The following MAT1A variants were observed in gnomAD, a reference collection of about 807,000 sequenced individuals.
MAT1A encodes the protein methionine adenosyltransferase 1A, also known as S-adenosylmethionine synthase isoform type-1.
A neutral mutation model predicts 44.0 loss-of-function variants in MAT1A; 19 were observed. The ratio of observed to expected loss-of-function variants is 0.43; its 90% CI spans 0.30 to 0.63. The LOEUF is 0.63. MAT1A is among the 30% of genes least tolerant of loss of function. The pLI, the probability that MAT1A is intolerant of heterozygous loss-of-function variation, is 0.12. For missense variants in MAT1A, 397 were observed against 531.0 expected, an observed-to-expected ratio of 0.75 and a Z score of 2.48; for synonymous variants, 205 against 205.6, an observed-to-expected ratio of 1.00 and a Z score of 0.03.
intron 1 of MAT1A, among the ~76,000 whole-genome samples, chr10:80,287,122 T>C (rs188471015): frequency 2.6e-4 from 40 of 152,352 alleles, no homozygotes; most frequent in African/African-American, 9.6e-4. Context: ...AGAAGCTTGC[T>C]GACTGATCAT....
intron 3 of MAT1A, among the ~76,000 whole-genome samples, chr10:80,283,036 A>G (rs1160340410): frequency 1.3e-5 from 2 of 152,168 alleles, no homozygotes; most frequent in African/African-American, 4.8e-5. Context: ...GGAAAGAGCT[A>G]ACAGAGACCC....
intron 3 of MAT1A, among the ~76,000 whole-genome samples, chr10:80,282,283 G>A (rs993603421): frequency 1.3e-5 from 2 of 152,178 alleles, no homozygotes; most frequent in African/African-American, 4.8e-5. Context: ...AAAGGACAAT[G>A]AGCCCAGCAA....
At position 80,280,718 on chromosome 10, in the gene MAT1A, G is replaced by C; in HGVS notation, c.367C>G (p.Leu123Val). The C allele has an allele frequency of 6.2e-7, 1 of 1,614,190 alleles. No individual in the cohort carries two copies. The highest frequency in any genetic ancestry group is 8.5e-7 in the Non-Finnish European group (1 of 1,180,030). The change falls in exon 4 of 9, where the codon CTG becomes GTG. Residue 123 changes from leucine to valine, a missense_variant. Transcript: ENST00000372213. ...CCCACATCCTCCTCATTTCTGTCCA[G>C]ATGGACGCACTGGGCAATATCTGGG... The part of the protein sequence containing the change: ...QSPDIAQCVH[L>V]DRNEEDVGAG...
chr10:80,281,215 A>C (rs571702535), intron 3 of MAT1A, among the ~76,000 whole-genome samples: 110 of 152,086 alleles, frequency 7.2e-4, no homozygotes, highest in South Asian at 2.7e-3. Context: ...GAAAATCAAG[A>C]GCCCTTTTGA....
intron 6 of MAT1A, among the ~76,000 whole-genome samples, chr10:80,276,002 A>C (rs971168194): frequency 6.6e-6 from 1 of 152,164 alleles, no homozygotes; most frequent in Non-Finnish European, 1.5e-5. Flanking sequence ...AGATCTGGAA[A>C]CAGCCACCCG....
Position 80,289,495 on chromosome 10 carries a change from T to TTTTTC in MAT1A, c.-73_-72insGAAAA, listed in dbSNP as rs145126070. On this transcript the variant is annotated 5_prime_UTR_variant, in exon 1 of 9. Transcript: ENST00000372213. ...GGCTGTGACTTTGCCTGAGTTTTTT[T>TTTTTC]TTCTTCTTCTTCTTCTTCTTTCAAC... The TTTTTC allele has an allele frequency of 4.1e-5, 35 of 863,476 alleles. No homozygotes were observed. Among genetic ancestry groups the TTTTTC allele is most frequent in the Non-Finnish European group, 5.4e-5 (28 of 521,478 alleles). The allele number at this position is 863,476 out of a possible 1,614,324, so 53.5% of individuals were successfully genotyped here. A position where few individuals can be genotyped will look rare whatever the true frequency, so the allele number is the denominator to read the frequency against.
intron 6 of MAT1A, chr10:80,275,508 C>A (rs1841474890): frequency 2.2e-6 from 1 of 449,824 alleles, no homozygotes; most frequent in Non-Finnish European, 4.1e-6. Flanking sequence ...TGGAGAGATC[C>A]AACTGCAGGC....
chr10:80,284,219 C>A (rs1841611073), intron 2 of MAT1A, among the ~76,000 whole-genome samples, 181 bp from the exon 3 acceptor site: 1 of 152,220 alleles, frequency 6.6e-6, no homozygotes, highest in African/African-American at 2.4e-5. Flanking sequence ...AAGCACTGAG[C>A]ATCTTCCAAT....
chr10:80,273,718 G>A lies in MAT1A; in HGVS notation c.*63C>T. On this transcript the variant is annotated 3_prime_UTR_variant, in exon 9 of 9. Coordinates refer to ENST00000372213, the MANE Select transcript of MAT1A (RefSeq NM_000429.3). ...GAAGGCGATCAGCAGCCAGGCGTCT[G>A]GGGAAGAGGAGCATGGCCACCAGGT... is the stretch of plus-strand genomic sequence containing the variant. 8.4e-7 allele frequency: 1 copy of A among 1,193,848 alleles called. No individual in the cohort carries two copies. Among genetic ancestry groups the A allele is most frequent in the Non-Finnish European group, 1.3e-6 (1 of 799,238 alleles). The allele number at this position is 1,193,848 out of a possible 1,614,324, so 74.0% of individuals were successfully genotyped here. A position where few individuals can be genotyped will look rare whatever the true frequency, so the allele number is the denominator to read the frequency against.
chr10:80,273,799 G>A lies in MAT1A; in HGVS notation c.1170C>T (p.Pro390=), dbSNP rs1353700163. ...CCTGGCTCTAAAATACAAGCTTCCT[G>A]GGAACCTCCCATGGGAACTCGCTTC... is the stretch of plus-strand genomic sequence containing the variant. ...FGRSEFPWEV[P]RKLVF Residue 390 remains proline, a synonymous_variant, in exon 9 of 9, where the codon CCC becomes CCT. Transcript: ENST00000372213. 2 of 1,612,892 alleles carry A rather than the reference G, an allele frequency of 1.2e-6. No individual in the cohort carries two copies. Among genetic ancestry groups the A allele is most frequent in the African/African-American group, 1.3e-5 (1 of 74,854 alleles).
chr10:80,274,092 G>C (rs1390108876), intron 8 of MAT1A, among the ~76,000 whole-genome samples: 2 of 152,158 alleles, frequency 1.3e-5, no homozygotes, highest in African/African-American at 4.8e-5. Context: ...GAGGTTCAGG[G>C]ACCAGGATCT....
At chr10:80,277,408 T>C (rs1046160757) in intron 5 of MAT1A, among the ~76,000 whole-genome samples, 1 of 152,198 alleles carries the variant, frequency 6.6e-6, no homozygotes, top group Admixed American at 6.5e-5. Flanking sequence ...ATCAAACTCC[T>C]ACTCTGTGTT....
At chr10:80,276,260 A>C in intron 6 of MAT1A, 116 bp downstream of exon 6, 1 of 1,030,400 alleles carries the variant, frequency 9.7e-7, no homozygotes, top group Non-Finnish European at 1.5e-6. Flanking sequence ...CATTTAGTCC[A>C]TGGCCAGAGT....
rs145126070 is a variant in MAT1A at position 80,289,495 on chromosome 10, T to TTTTTTTC, written c.-73_-72insGAAAAAA. On this transcript the variant is annotated 5_prime_UTR_variant, in exon 1 of 9. Transcript: ENST00000372213. ...GGCTGTGACTTTGCCTGAGTTTTTT[T>TTTTTTTC]TTCTTCTTCTTCTTCTTCTTTCAAC... is the stretch of plus-strand genomic sequence containing the variant. 7.2e-4 allele frequency: 623 copies of TTTTTTTC among 863,452 alleles called. 1 individual carries two copies. The highest frequency in any genetic ancestry group is 9.5e-4 in the Non-Finnish European group (494 of 521,176). 53.5% of individuals were successfully genotyped at this position (863,452 alleles called of 1,614,324 possible).
In MAT1A at chr10:80,283,966, C is replaced by T. The variant is rs199600641; in HGVS notation, c.242G>A (p.Arg81Gln). ...GTGCTTGATGGTGTCCCTCACCACC[C>T]GCTGGTAGTCCACCATGGCCATTGA... ...ITSMAMVDYQRVVRDTIKHIG... is the reference protein window; with the variant it reads ...ITSMAMVDYQQVVRDTIKHIG... The change falls in exon 3 of 9, where the codon CGG becomes CAG. Residue 81 changes from arginine to glutamine, a missense_variant. Transcript: ENST00000372213. 43 of 1,614,216 alleles carry T rather than the reference C, an allele frequency of 2.7e-5. No homozygotes were observed. Among genetic ancestry groups the T allele is most frequent in the East Asian group, 2.2e-4 (10 of 44,880 alleles).
At chr10:80,284,169 G>A in intron 2 of MAT1A, 131 bp from the exon 3 acceptor site, 3 of 1,192,000 alleles carry the variant, frequency 2.5e-6, no homozygotes, top group Admixed American at 2.0e-5. Context: ...ATTCCAGAAG[G>A]AAAATAGAAA....
Position 80,289,515 on chromosome 10 carries a change from T to TCTTCTTC in MAT1A, c.-93_-92insGAAGAAG. Reference sequence around the variant, plus strand: ...TTTTTTTTCTTCTTCTTCTTCTTCTTTCAACCCAACAGGCTTGTCTTTGGC... The same window carrying TCTTCTTC: ...TTTTTTTTCTTCTTCTTCTTCTTCTTCTTCTTCTCAACCCAACAGGCTTGTCTTTGGC... On this transcript the variant is annotated 5_prime_UTR_variant, in exon 1 of 9. Coordinates refer to ENST00000372213, the MANE Select transcript of MAT1A (RefSeq NM_000429.3). 1 of 1,024,062 alleles carries TCTTCTTC rather than the reference T, an allele frequency of 9.8e-7. No homozygotes were observed. Among genetic ancestry groups the TCTTCTTC allele is most frequent in the Non-Finnish European group, 1.5e-6 (1 of 649,026 alleles). The allele number at this position is 1,024,062 out of a possible 1,614,324, so 63.4% of individuals were successfully genotyped here. A position where few individuals can be genotyped will look rare whatever the true frequency, so the allele number is the denominator to read the frequency against.
At chr10:80,280,541 G>A (rs376064872) in intron 4 of MAT1A, 139 bp downstream of exon 4, 11 of 976,074 alleles carry the variant, frequency 1.1e-5, no homozygotes, top group East Asian at 2.4e-5. Context: ...TCCACAGCAC[G>A]GCCGTGAAGC....
chr10:80,273,087 CCTAGTTATACAT>C lies in MAT1A; in HGVS notation c.*682_*693del, dbSNP rs1354670640. 1 of 152,414 alleles carries C rather than the reference CCTAGTTATACAT, an allele frequency of 6.6e-6. No homozygotes were observed. Among genetic ancestry groups the C allele is most frequent in the Non-Finnish European group, 1.5e-5 (1 of 68,310 alleles). The allele number at this position is 152,414 out of a possible 1,614,324, so 9.4% of individuals were successfully genotyped here. A position where few individuals can be genotyped will look rare whatever the true frequency, so the allele number is the denominator to read the frequency against. On this transcript the variant is annotated 3_prime_UTR_variant, in exon 9 of 9. Coordinates refer to ENST00000372213, the MANE Select transcript of MAT1A (RefSeq NM_000429.3). ...TGTCACAGGCTCCTGAGTCAAAGCT[CCTAGTTATACAT>C]CTAGGTCTAAACACGTGGCTGTGGG...
Sources: allele counts gnomAD v4.1 joint callset (sites outside exome capture counted in the v4.1 genomes callset), GRCh38; gene constraint gnomAD v4.1.1; transcripts MANE v1.5; gene names NCBI Gene and HGNC (gene_info 2026-07-23, HGNC 2026-07-21).